ATRNL1: variants seen among roughly 807,000 people sequenced by gnomAD.
The protein encoded by ATRNL1 is attractin like 1, also known as attractin-like protein 1.
A neutral mutation model predicts 182.7 loss-of-function variants in ATRNL1; 95 were observed. The ratio of observed to expected loss-of-function variants is 0.52; its 90% CI spans 0.44 to 0.62. The LOEUF (loss-of-function observed/expected upper bound fraction) is 0.62. Among genes scored for constraint, ATRNL1 ranks in the 20% least tolerant of loss-of-function variants. The pLI is 0.00. For missense variants in ATRNL1, 1,471 were observed against 1,679.5 expected (o/e 0.88, Z 2.17); for synonymous variants, 576 against 568.3 (o/e 1.01, Z -0.19).
intron 26 of ATRNL1, among the ~76,000 whole-genome samples, chr10:115,636,844 A>T (rs1858907434): frequency 6.6e-6 from 1 of 152,256 alleles, no homozygotes; most frequent in Non-Finnish European, 1.5e-5. Context: ...AAATCATAGC[A>T]TATCCATACA....
At chr10:115,205,486 A>G (rs1848760802) in intron 8 of ATRNL1, among the ~76,000 whole-genome samples, 1 of 151,176 alleles carries the variant, frequency 6.6e-6, no homozygotes, top group Admixed American at 6.6e-5. Context: ...ATATACTTAA[A>G]CTTAGGTCTA....
chr10:115,712,061 A>G (rs1555054693), intron 26 of ATRNL1, among the ~76,000 whole-genome samples: 1 of 152,194 alleles, frequency 6.6e-6, no homozygotes, highest in Non-Finnish European at 1.5e-5. Context: ...AAAATATTAA[A>G]CATTCTTCAA....
At chr10:115,682,505 C>A (rs1303782269) in intron 26 of ATRNL1, among the ~76,000 whole-genome samples, 2 of 152,124 alleles carry the variant, frequency 1.3e-5, no homozygotes, top group Non-Finnish European at 2.9e-5. Context: ...CGCACCACTG[C>A]ACTCCACCTT....
chr10:115,560,099 C>T (rs1853607048), intron 26 of ATRNL1, among the ~76,000 whole-genome samples: 1 of 151,992 alleles, frequency 6.6e-6, no homozygotes. Flanking sequence ...AATGAAAAAC[C>T]TGAAAGTAAA....
chr10:115,877,786 CA>C (rs1951732899), intron 28 of ATRNL1, among the ~76,000 whole-genome samples: 1 of 152,142 alleles, frequency 6.6e-6, no homozygotes, highest in African/African-American at 2.4e-5. Flanking sequence ...AGGGACTTGG[CA>C]ATATTTTTTT....
intron 5 of ATRNL1, among the ~76,000 whole-genome samples, chr10:115,142,898 A>G (rs1845808951): frequency 6.6e-6 from 1 of 152,176 alleles, no homozygotes; most frequent in Non-Finnish European, 1.5e-5. Flanking sequence ...AGCAAATGGA[A>G]AGACAGAGTT....
At chr10:115,884,072 G>A (rs1439292105) in intron 28 of ATRNL1, among the ~76,000 whole-genome samples, 3 of 152,184 alleles carry the variant, frequency 2.0e-5, no homozygotes, top group African/African-American at 7.2e-5. Flanking sequence ...AATGGAACAA[G>A]CTGTCATAAA....
chr10:115,179,025 A>C (rs1554887365), intron 8 of ATRNL1, among the ~76,000 whole-genome samples: 1 of 152,104 alleles, frequency 6.6e-6, no homozygotes, highest in Non-Finnish European at 1.5e-5. Flanking sequence ...CCATATATTA[A>C]ATGCTTGATA....
intron 27 of ATRNL1, among the ~76,000 whole-genome samples, chr10:115,830,920 G>T (rs79402145): frequency 0.016 from 2,475 of 150,144 alleles, 84 homozygotes; most frequent in African/African-American, 0.06. Flanking sequence ...GTATGCAGAA[G>T]GAAAGTTTTA....
At chr10:115,236,127 T>C (rs1211542352) in intron 9 of ATRNL1, among the ~76,000 whole-genome samples, 1 of 152,158 alleles carries the variant, frequency 6.6e-6, no homozygotes, top group Non-Finnish European at 1.5e-5. Flanking sequence ...CTTTGTGCAC[T>C]CCTTTACCTT....
At chr10:115,865,232 T>A (rs1951413311) in intron 28 of ATRNL1, among the ~76,000 whole-genome samples, 1 of 152,184 alleles carries the variant, frequency 6.6e-6, no homozygotes, top group Non-Finnish European at 1.5e-5. Context: ...AATAGTATAT[T>A]AATGTTGATT....
intron 26 of ATRNL1, among the ~76,000 whole-genome samples, chr10:115,584,518 T>C (rs1855370780): frequency 7.1e-6 from 1 of 140,556 alleles, no homozygotes; most frequent in Admixed American, 7.4e-5. Flanking sequence ...TTCTTCTAGA[T>C]TTTCTAGTTT....
intron 24 of ATRNL1, among the ~76,000 whole-genome samples, chr10:115,493,059 T>C (rs1849384254): frequency 6.6e-6 from 1 of 152,224 alleles, no homozygotes; most frequent in African/African-American, 2.4e-5. Flanking sequence ...CTTGACAATT[T>C]ACAATAAAAT....
At chr10:115,490,798 G>A (rs1236832230) in intron 24 of ATRNL1, among the ~76,000 whole-genome samples, 3 of 152,134 alleles carry the variant, frequency 2.0e-5, no homozygotes, top group Admixed American at 6.5e-5. Flanking sequence ...TCCTTTGGAG[G>A]AGAAGAGGTG....
At chr10:115,300,297 A>C in intron 16 of ATRNL1, 50 bp downstream of exon 16, 1 of 1,456,148 alleles carries the variant, frequency 6.9e-7, no homozygotes, top group African/African-American at 1.4e-5. Flanking sequence ...TTTCCCACCC[A>C]TCTTCTCATT....
chr10:115,789,345 T>C (rs1555081135), intron 27 of ATRNL1, among the ~76,000 whole-genome samples: 1 of 152,176 alleles, frequency 6.6e-6, no homozygotes, highest in African/African-American at 2.4e-5. Flanking sequence ...AGAAAGTTGG[T>C]ACTGTATCTG....
chr10:115,713,503 A>C (rs2134022521), intron 26 of ATRNL1, among the ~76,000 whole-genome samples: 2 of 99,110 alleles, frequency 2.0e-5, no homozygotes, highest in South Asian at 7.4e-4. Context: ...TTGACATTTT[A>C]ATTGAGGTGG....
At chr10:115,841,270 C>T (rs1555097048) in intron 27 of ATRNL1, among the ~76,000 whole-genome samples, 2 of 152,072 alleles carry the variant, frequency 1.3e-5, no homozygotes, top group African/African-American at 2.4e-5. Flanking sequence ...CTGAAGCTGT[C>T]ACAATCCAGC....
intron 21 of ATRNL1, among the ~76,000 whole-genome samples, chr10:115,444,443 T>G (rs1178539608): frequency 6.6e-6 from 1 of 152,066 alleles, no homozygotes; most frequent in Non-Finnish European, 1.5e-5. Context: ...GTTTATTATT[T>G]AATAGCTTTT....
Sources: gnomAD v4.1 joint callset for allele counts (sites outside exome capture counted in the v4.1 genomes callset) on GRCh38, gnomAD v4.1.1 for gene constraint, MANE v1.5 for transcripts, NCBI Gene and HGNC (gene_info 2026-07-23, HGNC 2026-07-21) for gene names.